The following PGCKA1 variants were observed in gnomAD, a reference collection of about 807,000 sequenced individuals.
The protein encoded by PGCKA1 is PDCD10 and GCKIII kinases associated 1.
chr4:37,555,696 C>G, the PGCKA1 span, among the ~76,000 whole-genome samples: 1 of 152,184 alleles, frequency 6.6e-6, no homozygotes, highest in African/African-American at 2.4e-5. Context: ...TCTCGATCCT[C>G]TGCACAGCAT....
chr4:37,463,374 C>T, the PGCKA1 span, among the ~76,000 whole-genome samples: 22 of 152,250 alleles, frequency 1.4e-4, no homozygotes, highest in Middle Eastern at 3.4e-3. Context: ...TTGGCTAGAC[C>T]GTCAAGATTG....
At chr4:37,484,578 C>T in the PGCKA1 span, among the ~76,000 whole-genome samples, 1 of 152,174 alleles carries the variant, frequency 6.6e-6, no homozygotes, top group East Asian at 1.9e-4. Context: ...TTATGATTAT[C>T]AGCTTCCTGA....
the PGCKA1 span, among the ~76,000 whole-genome samples, chr4:37,571,569 G>T: frequency 1.3e-4 from 19 of 150,066 alleles, no homozygotes; most frequent in South Asian, 4.0e-3. Context: ...ACAGAGTCTC[G>T]CTCTGTCGCC....
the PGCKA1 span, chr4:37,453,925 G>C: frequency 2.6e-5 from 4 of 152,480 alleles, no homozygotes; most frequent in South Asian, 5.5e-4. Flanking sequence ...CTGCGAGCTC[G>C]GCGGGCTCAG....
At chr4:37,495,130 A>T in the PGCKA1 span, among the ~76,000 whole-genome samples, 1 of 152,158 alleles carries the variant, frequency 6.6e-6, no homozygotes, top group Non-Finnish European at 1.5e-5. Context: ...TATGAAAAAA[A>T]GCTCATCGTC....
the PGCKA1 span, among the ~76,000 whole-genome samples, chr4:37,491,145 C>A: frequency 1.3e-5 from 2 of 152,198 alleles, no homozygotes; most frequent in African/African-American, 4.8e-5. Flanking sequence ...CCACCTTCCT[C>A]AAACCACTTT....
the PGCKA1 span, among the ~76,000 whole-genome samples, chr4:37,537,825 C>A: frequency 3.9e-4 from 59 of 152,238 alleles, no homozygotes; most frequent in East Asian, 0.011. Context: ...AGTTGTGTAA[C>A]CTTATGCAAG....
chr4:37,554,227 A>G, the PGCKA1 span, among the ~76,000 whole-genome samples: 5 of 152,336 alleles, frequency 3.3e-5, no homozygotes, highest in Admixed American at 6.5e-5. Flanking sequence ...AGGCCTCCCC[A>G]GCCACGTGGA....
chr4:37,579,012 T>C, the PGCKA1 span, among the ~76,000 whole-genome samples: 22,432 of 151,986 alleles, frequency 0.15, 4,508 homozygotes, highest in African/African-American at 0.45. Context: ...GAGCCGAGAT[T>C]GCGCCATTGC....
chr4:37,570,510 AT>A, the PGCKA1 span, among the ~76,000 whole-genome samples: 2 of 149,706 alleles, frequency 1.3e-5, 1 homozygote, highest in Admixed American at 1.3e-4. Context: ...ATTACTGTCT[AT>A]AATGTTGGGC....
At chr4:37,557,668 A>G in the PGCKA1 span, among the ~76,000 whole-genome samples, 1 of 152,214 alleles carries the variant, frequency 6.6e-6, no homozygotes, top group African/African-American at 2.4e-5. Context: ...GGGGGCACAG[A>G]CATTCAGTCC....
At chr4:37,478,597 G>A in the PGCKA1 span, among the ~76,000 whole-genome samples, 1 of 152,280 alleles carries the variant, frequency 6.6e-6, no homozygotes, top group Non-Finnish European at 1.5e-5. Context: ...TTACGCTTCT[G>A]TTTGTTCACA....
the PGCKA1 span, among the ~76,000 whole-genome samples, chr4:37,551,573 G>A: frequency 6.6e-6 from 1 of 152,200 alleles, no homozygotes; most frequent in Non-Finnish European, 1.5e-5. Context: ...AGCTGAAAGA[G>A]AGGTCTATAA....
the PGCKA1 span, among the ~76,000 whole-genome samples, chr4:37,507,820 T>C: frequency 6.6e-6 from 1 of 152,194 alleles, no homozygotes; most frequent in African/African-American, 2.4e-5. Context: ...TCCTTTTCTT[T>C]CTGATTGAAA....
chr4:37,553,650 A>G, the PGCKA1 span, among the ~76,000 whole-genome samples: 2 of 152,346 alleles, frequency 1.3e-5, no homozygotes, highest in South Asian at 4.1e-4. Flanking sequence ...ATACATTCCA[A>G]TTCCAGATAT....
chr4:37,491,326 A>G, the PGCKA1 span, among the ~76,000 whole-genome samples: 6 of 152,206 alleles, frequency 3.9e-5, no homozygotes, highest in East Asian at 3.8e-4. Context: ...TGATATAATT[A>G]TATCTCGATT....
At chr4:37,548,773 C>A in the PGCKA1 span, among the ~76,000 whole-genome samples, 29 of 149,268 alleles carry the variant, frequency 1.9e-4, no homozygotes, top group African/African-American at 7.2e-4. Flanking sequence ...AAGAAACATT[C>A]ATTTTACTAG....
chr4:37,469,066 T>C, the PGCKA1 span, among the ~76,000 whole-genome samples: 1 of 152,172 alleles, frequency 6.6e-6, no homozygotes, highest in East Asian at 1.9e-4. Context: ...TGTTTAGATA[T>C]GTTTACAATT....
At chr4:37,519,268 T>G in the PGCKA1 span, among the ~76,000 whole-genome samples, 37 of 144,738 alleles carry the variant, frequency 2.6e-4, no homozygotes, top group African/African-American at 9.8e-4. Flanking sequence ...TGGTTCCATA[T>G]AAATTTTTAG....
Sources: gnomAD v4.1 joint callset for allele counts (sites outside exome capture counted in the v4.1 genomes callset) on GRCh38, gnomAD v4.1.1 for gene constraint, MANE v1.5 for transcripts, NCBI Gene and HGNC (gene_info 2026-07-23, HGNC 2026-07-21) for gene names.